Variants in DCC observed in about 807,000 individuals in gnomAD.
DCC encodes the protein netrin receptor DCC.
DCC carries 58 observed loss-of-function variants against 172.5 expected under a neutral mutation model. The ratio of observed to expected loss-of-function variants is 0.34; its 90% CI spans 0.27 to 0.42. DCC has a LOEUF of 0.42. Ranked by LOEUF, DCC falls within the 10% of genes least tolerant of loss-of-function variation. DCC has a pLI of 1.00. For missense variants in DCC, 1,740 were observed against 1,791.0 expected (o/e 0.97, Z 0.51); for synonymous variants, 709 against 644.5 (o/e 1.10, Z -1.52).
At chr18:52,432,589 G>T (rs891540787) in intron 1 of DCC, among the ~76,000 whole-genome samples, 5 of 151,994 alleles carry the variant, frequency 3.3e-5, no homozygotes, top group Non-Finnish European at 5.9e-5. Context: ...TGAGGTCTTA[G>T]GCAGCTCTTT....
chr18:52,908,941 A>C (rs1339593173), intron 3 of DCC, among the ~76,000 whole-genome samples: 1 of 152,182 alleles, frequency 6.6e-6, no homozygotes, highest in African/African-American at 2.4e-5. Context: ...GGTTATTGTC[A>C]TACTTGGCTA....
At chr18:52,847,743 T>C (rs1321611298) in intron 2 of DCC, among the ~76,000 whole-genome samples, 2 of 152,196 alleles carry the variant, frequency 1.3e-5, no homozygotes, top group Non-Finnish European at 2.9e-5. Context: ...TCAAGGTTTA[T>C]TACTCCAACT....
intron 5 of DCC, among the ~76,000 whole-genome samples, chr18:53,009,561 G>A (rs2041696762): frequency 6.6e-6 from 1 of 150,842 alleles, no homozygotes; most frequent in Admixed American, 6.6e-5. Flanking sequence ...TGGAAGTTAG[G>A]TGACTTTTTT....
chr18:53,407,273 A>G (rs1002769353), intron 19 of DCC, among the ~76,000 whole-genome samples: 1 of 151,854 alleles, frequency 6.6e-6, no homozygotes, highest in Admixed American at 6.6e-5. Flanking sequence ...CTAAATGTAA[A>G]ACTTATGTAC....
intron 2 of DCC, among the ~76,000 whole-genome samples, chr18:52,829,364 T>A (rs2145290871): frequency 6.6e-6 from 1 of 152,352 alleles, no homozygotes; most frequent in East Asian, 1.9e-4. Context: ...AAGAACTTGT[T>A]AATTTGCTTT....
chr18:52,722,544 T>C (rs2036488409), intron 1 of DCC, among the ~76,000 whole-genome samples: 1 of 152,226 alleles, frequency 6.6e-6, no homozygotes, highest in South Asian at 2.1e-4. Context: ...CATAATTATC[T>C]TGTGCTTTGT....
chr18:53,168,575 G>A (rs150580926), intron 8 of DCC, among the ~76,000 whole-genome samples: 4 of 140,930 alleles, frequency 2.8e-5, no homozygotes, highest in Admixed American at 7.1e-5. Context: ...GGGGGCGGGC[G>A]GGGGGGCTAG....
At chr18:53,308,397 C>T (rs1363949727) in intron 13 of DCC, among the ~76,000 whole-genome samples, 3 of 151,960 alleles carry the variant, frequency 2.0e-5, no homozygotes, top group Non-Finnish European at 2.9e-5. Flanking sequence ...ATATTGCTTA[C>T]TTTGTAACAA....
At chr18:53,148,920 G>A (rs1342237758) in intron 7 of DCC, among the ~76,000 whole-genome samples, 1 of 142,030 alleles carries the variant, frequency 7.0e-6, no homozygotes, top group African/African-American at 2.7e-5. Context: ...CTGGAGTGCA[G>A]TGGCATGATC....
chr18:52,792,921 A>T (rs1411035652), intron 2 of DCC, among the ~76,000 whole-genome samples: 1 of 131,446 alleles, frequency 7.6e-6, no homozygotes, highest in East Asian at 2.2e-4. Context: ...TACCACTCAC[A>T]TGATTCTACC....
At chr18:52,644,873 A>G in intron 1 of DCC, among the ~76,000 whole-genome samples, 1 of 151,306 alleles carries the variant, frequency 6.6e-6, no homozygotes, top group East Asian at 1.9e-4. Context: ...AAATAGAAAA[A>G]CAATTTGCTT....
chr18:53,042,346 G>C (rs542774575), intron 5 of DCC, among the ~76,000 whole-genome samples: 1 of 152,084 alleles, frequency 6.6e-6, no homozygotes, highest in African/African-American at 2.4e-5. Context: ...TGCATCCCAG[G>C]TATGAATTCA....
rs796565939 is a variant in DCC at position 53,159,006 on chromosome 18, GAA to G, written c.1418+1495_1418+1496del. ...GCCATCTCAAAAAAAAAAAAAAAAA[GAA>G]GAAGATGTAGGCATACCCATATTGC... On this transcript the variant is annotated intron_variant, in intron 8 of 28. Coordinates refer to ENST00000442544, the MANE Select transcript of DCC (RefSeq NM_005215.4). Among the ~76,000 whole-genome samples the G allele has an allele frequency of 6.2e-3, 789 of 127,552 alleles. 35 individuals carry two copies. The highest frequency in any genetic ancestry group is 0.026 in the Admixed American group (298 of 11,370). 83.7% of individuals were successfully genotyped at this position (127,552 alleles called of 152,430 possible).
intron 15 of DCC, among the ~76,000 whole-genome samples, chr18:53,343,895 AATCC>A (rs755123121): frequency 3.3e-5 from 5 of 151,992 alleles, no homozygotes; most frequent in East Asian, 1.9e-4. Context: ...TTTTTAATAA[AATCC>A]ATCCATTTCA....
chr18:52,677,412 A>G (rs2035663431), intron 1 of DCC, among the ~76,000 whole-genome samples: 1 of 152,166 alleles, frequency 6.6e-6, no homozygotes. Flanking sequence ...GGGATCACAC[A>G]GTAGTAAAAA....
At chr18:53,482,535 C>T (rs1057312760) in intron 25 of DCC, among the ~76,000 whole-genome samples, 2 of 152,036 alleles carry the variant, frequency 1.3e-5, no homozygotes, top group African/African-American at 4.8e-5. Context: ...GTTTCTCTCT[C>T]CAAATTTGTT....
intron 1 of DCC, among the ~76,000 whole-genome samples, chr18:52,403,419 C>A (rs758127304): frequency 6.6e-6 from 1 of 151,960 alleles, no homozygotes; most frequent in Admixed American, 6.6e-5. Flanking sequence ...TACTCTGGGG[C>A]TTCTTGAGGG....
intron 5 of DCC, among the ~76,000 whole-genome samples, chr18:52,977,843 C>T (rs1374180421): frequency 2.0e-5 from 3 of 150,756 alleles, no homozygotes; most frequent in Non-Finnish European, 4.4e-5. Flanking sequence ...CAAGATCACA[C>T]CACTGCACTC....
intron 10 of DCC, among the ~76,000 whole-genome samples, chr18:53,206,171 A>G (rs918711844): frequency 7.2e-3 from 7 of 966 alleles, no homozygotes; most frequent in Non-Finnish European, 0.026. Flanking sequence ...ATATACATAT[A>G]CATATATAAT....
Sources: gnomAD v4.1 joint callset for allele counts (sites outside exome capture counted in the v4.1 genomes callset) on GRCh38, gnomAD v4.1.1 for gene constraint, MANE v1.5 for transcripts, NCBI Gene and HGNC (gene_info 2026-07-23, HGNC 2026-07-21) for gene names.